SCAI: variants seen among roughly 807,000 people sequenced by gnomAD.
The protein encoded by SCAI is protein SCAI.
In SCAI, 24 loss-of-function variants were observed where a neutral mutation model predicts 92.2. The ratio of observed to expected loss-of-function variants is 0.26; its 90% CI spans 0.19 to 0.37. The LOEUF (loss-of-function observed/expected upper bound fraction) is 0.37, where lower values mean the gene tolerates loss of function less well. SCAI is among the 10% of genes least tolerant of loss of function. SCAI has a pLI of 1.00. For synonymous variants in SCAI, 261 were observed against 258.6 expected (o/e 1.01, Z -0.09); for missense variants, 450 against 736.2 (o/e 0.61, Z 4.50).
At chr9:125,109,934 C>T (rs1239931764) in intron 2 of SCAI, among the ~76,000 whole-genome samples, 3 of 152,078 alleles carry the variant, frequency 2.0e-5, no homozygotes, top group Non-Finnish European at 4.4e-5. Flanking sequence ...GTGACCCACC[C>T]GCCTCGGCCT....
chr9:125,136,138 G>A (rs1295479006), intron 2 of SCAI, among the ~76,000 whole-genome samples: 1 of 148,432 alleles, frequency 6.7e-6, no homozygotes, highest in Admixed American at 6.7e-5. Context: ...TTTGAGACAG[G>A]TTTTCACTGT....
At chr9:124,968,917 T>C (rs1831597540) in intron 17 of SCAI, 1 of 400,304 alleles carries the variant, frequency 2.5e-6, no homozygotes, top group Non-Finnish European at 4.5e-6. Context: ...GTAGGAAATC[T>C]CCAAAATTTT....
intron 17 of SCAI, among the ~76,000 whole-genome samples, chr9:124,960,159 CA>C (rs1831410748): frequency 6.6e-6 from 1 of 152,102 alleles, no homozygotes; most frequent in South Asian, 2.1e-4. Context: ...CAAAAAAATT[CA>C]AAACAAATGT....
intron 6 of SCAI, among the ~76,000 whole-genome samples, chr9:125,022,349 C>G (rs62582247): frequency 6.6e-6 from 1 of 152,112 alleles, no homozygotes; most frequent in Non-Finnish European, 1.5e-5. Flanking sequence ...TGCGTATACA[C>G]GTACACATTT....
At chr9:125,129,416 A>T (rs537129818) in intron 2 of SCAI, among the ~76,000 whole-genome samples, 34 of 151,784 alleles carry the variant, frequency 2.2e-4, no homozygotes, top group Non-Finnish European at 4.4e-4. Context: ...CAACTTAAAA[A>T]AAATAAATAA....
intron 8 of SCAI, 61 bp from the exon 9 acceptor site, chr9:125,019,012 C>CTATTCCTTCT (rs1832818090): frequency 6.4e-7 from 1 of 1,561,576 alleles, no homozygotes. Flanking sequence ...ATAGAGTAAG[C>CTATTCCTTCT]TATTCCTTCT....
chr9:125,069,743 C>T (rs1833944035), intron 2 of SCAI, among the ~76,000 whole-genome samples: 1 of 151,316 alleles, frequency 6.6e-6, no homozygotes, highest in Non-Finnish European at 1.5e-5. Flanking sequence ...CTGCCTTAGC[C>T]TCCTGAGTAG....
At chr9:125,075,110 A>G (rs1834061884) in intron 2 of SCAI, among the ~76,000 whole-genome samples, 1 of 152,226 alleles carries the variant, frequency 6.6e-6, no homozygotes, top group Non-Finnish European at 1.5e-5. Flanking sequence ...CAGGAAATAC[A>G]AAAATACACA....
At chr9:125,083,226 G>A (rs1266126633) in intron 2 of SCAI, among the ~76,000 whole-genome samples, 2 of 152,100 alleles carry the variant, frequency 1.3e-5, no homozygotes, top group South Asian at 2.1e-4. Flanking sequence ...CATGTAAGAT[G>A]TGACTTGCAG....
At chr9:125,061,535 G>GT (rs1833768017) in intron 2 of SCAI, among the ~76,000 whole-genome samples, 2 of 152,212 alleles carry the variant, frequency 1.3e-5, no homozygotes, top group South Asian at 4.1e-4. Flanking sequence ...GAGAAGGGCA[G>GT]ATCACTTGAG....
intron 2 of SCAI, among the ~76,000 whole-genome samples, chr9:125,083,222 A>C (rs1834257508): frequency 1.3e-5 from 2 of 152,262 alleles, no homozygotes; most frequent in Middle Eastern, 6.8e-3. Flanking sequence ...TATCCATGTA[A>C]GATGTGACTT....
chr9:124,978,082 A>G (rs1831799181), intron 14 of SCAI, among the ~76,000 whole-genome samples: 1 of 152,194 alleles, frequency 6.6e-6, no homozygotes, highest in Admixed American at 6.5e-5. Flanking sequence ...CAAAATCAAA[A>G]GTCAAATAAT....
chr9:125,016,411 A>AAATT (rs1832761583), intron 9 of SCAI, among the ~76,000 whole-genome samples: 1 of 150,042 alleles, frequency 6.7e-6, no homozygotes, highest in South Asian at 2.1e-4. Flanking sequence ...ATAAATAAAT[A>AAATT]AATAAATAAA....
rs746024437 is a variant in SCAI at position 125,143,481 on chromosome 9, G to T, written c.-44C>A. 3 of 1,318,124 alleles carry T rather than the reference G, an allele frequency of 2.3e-6. No individual in the cohort carries two copies. The highest frequency in any genetic ancestry group is 7.9e-5 in the Admixed American group (2 of 25,342). The allele number at this position is 1,318,124 out of a possible 1,614,324, so 81.7% of individuals were successfully genotyped here. On this transcript the variant is annotated 5_prime_UTR_variant, in exon 1 of 18. Coordinates refer to ENST00000336505, the MANE Select transcript of SCAI (RefSeq NM_001144877.3). ...CGGGAGCTGCTCCGGCGGCCGCAGG[G>T]CTCGCTCGGGAAGCTGAGGCGGCGG... is the stretch of plus-strand genomic sequence containing the variant.
At chr9:124,987,822 G>A (rs1377818705) in intron 14 of SCAI, among the ~76,000 whole-genome samples, 1 of 152,008 alleles carries the variant, frequency 6.6e-6, no homozygotes, top group Non-Finnish European at 1.5e-5. Context: ...AATTAGCCGG[G>A]TGTGGTGGCA....
chr9:125,006,845 G>A (rs1421476140), intron 9 of SCAI, among the ~76,000 whole-genome samples: 1 of 152,180 alleles, frequency 6.6e-6, no homozygotes, highest in African/African-American at 2.4e-5. Flanking sequence ...GAGGCCAGGT[G>A]TGCTGGCTCG....
intron 2 of SCAI, among the ~76,000 whole-genome samples, chr9:125,120,659 C>T (rs1355359752): frequency 2.0e-5 from 3 of 152,124 alleles, no homozygotes; most frequent in Non-Finnish European, 2.9e-5. Flanking sequence ...CACCACTGCA[C>T]TCTAGCCTGG....
intron 2 of SCAI, among the ~76,000 whole-genome samples, chr9:125,056,475 GA>G (rs1031397653): frequency 1.3e-5 from 2 of 151,640 alleles, no homozygotes; most frequent in African/African-American, 2.4e-5. Flanking sequence ...AAAAAACAAA[GA>G]AAAAAAGAAA....
intron 6 of SCAI, among the ~76,000 whole-genome samples, chr9:125,024,215 G>T (rs1203344273): frequency 6.6e-6 from 1 of 151,416 alleles, no homozygotes; most frequent in Non-Finnish European, 1.5e-5. Context: ...AACATAAGTG[G>T]TGACAGTATC....
Sources: gnomAD v4.1 joint callset for allele counts (sites outside exome capture counted in the v4.1 genomes callset) on GRCh38, gnomAD v4.1.1 for gene constraint, MANE v1.5 for transcripts, NCBI Gene and HGNC (gene_info 2026-07-23, HGNC 2026-07-21) for gene names.